The following KBTBD12 variants were observed in gnomAD, a reference collection of about 807,000 sequenced individuals.
KBTBD12 encodes kelch repeat and BTB domain-containing protein 12.
In KBTBD12, 53 loss-of-function variants were observed where a neutral mutation model predicts 58.7. The observed-to-expected ratio is 0.90, with a 90% confidence interval of 0.72 to 1.14. The LOEUF is 1.14. Among genes scored for constraint, KBTBD12 ranks in the 50% most tolerant of loss-of-function variants. The pLI is 0.00. For missense variants in KBTBD12, 704 were observed against 751.3 expected (o/e 0.94, Z 0.74); for synonymous variants, 236 against 259.8 (o/e 0.91, Z 0.88).
chr3:127,978,857 C>T (rs942305170), intron 5 of KBTBD12, among the ~76,000 whole-genome samples: 10 of 152,206 alleles, frequency 6.6e-5, no homozygotes, highest in African/African-American at 1.7e-4. Context: ...GCTCTTTAGC[C>T]AGAAGGCCAG....
chr3:127,975,176 G>T (rs1035109937), intron 5 of KBTBD12, among the ~76,000 whole-genome samples: 1 of 152,194 alleles, frequency 6.6e-6, no homozygotes, highest in Non-Finnish European at 1.5e-5. Flanking sequence ...GCCACTGAGG[G>T]TCAGTCCCAC....
At chr3:127,952,216 C>T (rs1327589441) in intron 4 of KBTBD12, among the ~76,000 whole-genome samples, 1 of 152,170 alleles carries the variant, frequency 6.6e-6, no homozygotes, top group African/African-American at 2.4e-5. Flanking sequence ...ATTTTTATTA[C>T]ACAAATATTG....
chr3:127,916,320 T>C (rs1408045435), intron 1 of KBTBD12, among the ~76,000 whole-genome samples: 1 of 152,170 alleles, frequency 6.6e-6, no homozygotes, highest in Non-Finnish European at 1.5e-5. Flanking sequence ...GGTGCGTGTG[T>C]TCTCAGCCAT....
At chr3:127,918,760 T>C (rs1243616260) in intron 1 of KBTBD12, among the ~76,000 whole-genome samples, 1 of 150,962 alleles carries the variant, frequency 6.6e-6, no homozygotes, top group African/African-American at 2.4e-5. Context: ...TAAAGGCCCA[T>C]ATGCGTTAGA....
chr3:127,978,605 A>C (rs1006610900), intron 5 of KBTBD12, among the ~76,000 whole-genome samples: 1 of 152,058 alleles, frequency 6.6e-6, no homozygotes, highest in African/African-American at 2.4e-5. Context: ...GACAGGGGGA[A>C]TTTTTTCTTT....
In KBTBD12 at chr3:127,977,978, T is replaced by A. The variant is rs567051938; in HGVS notation, c.1691-6119T>A. 3.3e-5 allele frequency among the ~76,000 whole-genome samples: 5 copies of A among 152,352 alleles called. No individual in the cohort carries two copies. In the South Asian group the frequency reaches 6.2e-4, roughly 19 times the overall value. ...GTTTTAGGCTATACATTTAAATCTT[T>A]AATCCATCTTGAGTTGATTTTTGTA... On this transcript the variant is annotated intron_variant, in intron 5 of 5. Transcript: ENST00000405109.
At chr3:127,931,026 C>G (rs775896251) in intron 4 of KBTBD12, among the ~76,000 whole-genome samples, 7 of 152,086 alleles carry the variant, frequency 4.6e-5, no homozygotes, top group Non-Finnish European at 7.4e-5. Flanking sequence ...AACAATGAGG[C>G]AGGGAGGTTG....
intron 5 of KBTBD12, among the ~76,000 whole-genome samples, chr3:127,972,378 T>A (rs531993669): frequency 2.0e-5 from 3 of 152,352 alleles, no homozygotes; most frequent in South Asian, 2.1e-4. Flanking sequence ...CAATATTTTT[T>A]AAAAATCTTC....
intron 1 of KBTBD12, among the ~76,000 whole-genome samples, chr3:127,918,818 A>C (rs76603515): frequency 0.021 from 3,130 of 152,220 alleles, 110 homozygotes; most frequent in African/African-American, 0.07. Context: ...ATAAGGAAGG[A>C]AAGTCAGGAG....
rs761316282 is a variant in KBTBD12, at chr3:127,923,590, T to C, written c.529T>C (p.Phe177Leu). Residue 177 changes from phenylalanine (F) to leucine (L), a missense_variant, in exon 2 of 6, where the codon TTT becomes CTT. Physicochemically the swap from Phe to Leu is conservative, Grantham distance 22. Coordinates refer to ENST00000405109, the MANE Select transcript of KBTBD12 (RefSeq NM_207335.4). ...EEILEIEVHQ[F>L]LTLIKSDDLN... ...AATACTAGAAATCGAAGTGCACCAA[T>C]TTTTGACACTTATTAAATCAGATGA... 9 of 1,613,466 alleles carry C rather than the reference T, an allele frequency of 5.6e-6. No individual in the cohort carries two copies. In the African/African-American group the frequency reaches 1.1e-4, roughly 19 times the overall value.
intron 5 of KBTBD12, among the ~76,000 whole-genome samples, chr3:127,973,542 G>A (rs1004799433): frequency 6.6e-6 from 1 of 152,098 alleles, no homozygotes; most frequent in Non-Finnish European, 1.5e-5. Flanking sequence ...ATAATGGTTT[G>A]TGATTATGTA....
chr3:127,955,472 T>C lies in KBTBD12; in HGVS notation c.1493-7717T>C, dbSNP rs140337427. Among the ~76,000 whole-genome samples, 949 of 152,348 alleles carry C rather than the reference T, an allele frequency of 6.2e-3. 9 individuals carry two copies. Among genetic ancestry groups the C allele is most frequent in the African/African-American group, 0.022 (897 of 41,580 alleles). ...TGTGAAATGAGAAGACCAAGCTTTA[T>C]TGTGGTAAGATTTTACCCTTTTCTT... On this transcript the variant is annotated intron_variant, in intron 4 of 5. Coordinates refer to ENST00000405109, the MANE Select transcript of KBTBD12 (RefSeq NM_207335.4).
intron 4 of KBTBD12, among the ~76,000 whole-genome samples, chr3:127,935,264 A>G (rs763086189): frequency 5.3e-5 from 8 of 152,172 alleles, no homozygotes; most frequent in Non-Finnish European, 1.2e-4. Flanking sequence ...TTGTGATACT[A>G]TATAGTTGGG....
At chr3:127,982,466 C>A (rs932495069) in intron 5 of KBTBD12, among the ~76,000 whole-genome samples, 2 of 152,160 alleles carry the variant, frequency 1.3e-5, no homozygotes, top group Admixed American at 1.3e-4. Context: ...CCTGTCCCCA[C>A]ACCCACTGAA....
intron 4 of KBTBD12, among the ~76,000 whole-genome samples, chr3:127,951,256 A>G (rs1237181020): frequency 6.6e-6 from 1 of 152,236 alleles, no homozygotes; most frequent in Non-Finnish European, 1.5e-5. Context: ...TTGATTACTT[A>G]GTGTAGGAAT....
intron 1 of KBTBD12, among the ~76,000 whole-genome samples, chr3:127,916,040 G>A (rs913980631): frequency 2.0e-5 from 3 of 152,220 alleles, no homozygotes; most frequent in Non-Finnish European, 4.4e-5. Context: ...TTAAAGCCAG[G>A]AGAATAATTG....
At chr3:127,942,041 A>G (rs1298272211) in intron 4 of KBTBD12, among the ~76,000 whole-genome samples, 1 of 152,236 alleles carries the variant, frequency 6.6e-6, no homozygotes, top group Non-Finnish European at 1.5e-5. Flanking sequence ...AAGTGAAGAA[A>G]TGAACCTGTC....
At chr3:127,959,883 G>GGA (rs1198632372) in intron 4 of KBTBD12, among the ~76,000 whole-genome samples, 4 of 152,230 alleles carry the variant, frequency 2.6e-5, no homozygotes, top group Non-Finnish European at 5.9e-5. Flanking sequence ...CACAGGGTAG[G>GGA]GACCAGGGTC....
rs1355311062 is a variant in KBTBD12 at position 127,923,691 on chromosome 3, A to G, written c.630A>G (p.Thr210=). The G allele has an allele frequency of 6.2e-7, 1 of 1,613,772 alleles. No individual in the cohort carries two copies. Among genetic ancestry groups the G allele is most frequent in the Non-Finnish European group, 8.5e-7 (1 of 1,179,840 alleles). The change falls in exon 2 of 6, where the codon ACA becomes ACG. Residue 210 remains threonine, a synonymous_variant. Transcript: ENST00000405109. The stretch of plus-strand genomic sequence containing the variant: ...TAAATCATAACAAAGAATTGCGTAC[A>G]GTGCATCTTGTTGAGCTTTTGAAGC... ...RWVNHNKELR[T]VHLVELLKQV...
Sources: allele counts gnomAD v4.1 joint callset (sites outside exome capture counted in the v4.1 genomes callset), GRCh38; gene constraint gnomAD v4.1.1; transcripts MANE v1.5; gene names NCBI Gene and HGNC (gene_info 2026-07-23, HGNC 2026-07-21).